Variants in NEK11 observed in about 807,000 individuals in gnomAD.
NEK11 encodes NIMA related kinase 11.
Under a neutral mutation model 80.7 loss-of-function variants are expected in NEK11, and 72 were observed. That is an observed-to-expected ratio of 0.89 (90% CI 0.74 to 1.08). The LOEUF is 1.08. Ranked by LOEUF, NEK11 falls within the 50% of genes least tolerant of loss-of-function variation. The pLI, the probability that NEK11 is intolerant of heterozygous loss-of-function variation, is 0.00. For synonymous variants in NEK11, 251 were observed against 260.7 expected (o/e 0.96, Z 0.36); for missense variants, 764 against 763.6 (o/e 1.00, Z -0.01).
chr3:131,151,541 T>A (rs1012343224), intron 7 of NEK11, among the ~76,000 whole-genome samples: 1 of 152,054 alleles, frequency 6.6e-6, no homozygotes, highest in Non-Finnish European at 1.5e-5. Context: ...TTACACAAGG[T>A]CAATCACAAG....
At chr3:131,155,848 C>A (rs1309907370) in intron 10 of NEK11, among the ~76,000 whole-genome samples, 3 of 152,172 alleles carry the variant, frequency 2.0e-5, no homozygotes, top group African/African-American at 7.2e-5. Context: ...CTCAACGCTA[C>A]CATGTTTGCT....
intron 17 of NEK11, among the ~76,000 whole-genome samples, 196 bp from the exon 18 acceptor site, chr3:131,349,361 G>A (rs895594637): frequency 1.3e-5 from 2 of 152,088 alleles, no homozygotes; most frequent in Non-Finnish European, 1.5e-5. Context: ...AGGGTACCTG[G>A]CACATAATAG....
chr3:131,224,862 AAAG>A (rs1173350707), intron 14 of NEK11, among the ~76,000 whole-genome samples: 3 of 152,370 alleles, frequency 2.0e-5, no homozygotes, highest in African/African-American at 4.8e-5. Context: ...GATATGAAAA[AAAG>A]AAAATATTTT....
At chr3:131,145,820 A>G (rs887281992) in intron 7 of NEK11, among the ~76,000 whole-genome samples, 1 of 152,140 alleles carries the variant, frequency 6.6e-6, no homozygotes, top group Non-Finnish European at 1.5e-5. Context: ...CTCATCTGAA[A>G]AATGGGAATA....
chr3:131,293,034 G>A (rs538478627), intron 17 of NEK11, among the ~76,000 whole-genome samples: 20 of 152,026 alleles, frequency 1.3e-4, no homozygotes, highest in Non-Finnish European at 2.6e-4. Flanking sequence ...TGTCATCACT[G>A]AAGGAGAACA....
chr3:131,334,456 A>G (rs1189175177), intron 17 of NEK11, among the ~76,000 whole-genome samples: 2 of 150,576 alleles, frequency 1.3e-5, no homozygotes, highest in African/African-American at 2.4e-5. Context: ...TCTCTGGGAC[A>G]CATTCAAAGC....
chr3:131,316,833 G>T (rs1263291860), intron 17 of NEK11, among the ~76,000 whole-genome samples: 1 of 152,024 alleles, frequency 6.6e-6, no homozygotes, highest in Non-Finnish European at 1.5e-5. Flanking sequence ...TCCTTGATTT[G>T]CAAAAACTGA....
chr3:131,244,066 A>C (rs1292158626), intron 16 of NEK11, among the ~76,000 whole-genome samples: 8 of 152,056 alleles, frequency 5.3e-5, no homozygotes, highest in Admixed American at 5.2e-4. Context: ...ACAGTGACAC[A>C]GAGTATTCTT....
chr3:131,307,572 A>G (rs1351897902), intron 17 of NEK11, among the ~76,000 whole-genome samples: 1 of 152,158 alleles, frequency 6.6e-6, no homozygotes, highest in Non-Finnish European at 1.5e-5. Flanking sequence ...ATAGAAAGTG[A>G]AGATCAAAGG....
At chr3:131,193,317 CA>C (rs1484328283) in intron 14 of NEK11, among the ~76,000 whole-genome samples, 1 of 151,934 alleles carries the variant, frequency 6.6e-6, no homozygotes, top group East Asian at 1.9e-4. Context: ...AATGATAGGA[CA>C]AGAGTGAAAA....
intron 14 of NEK11, among the ~76,000 whole-genome samples, chr3:131,201,073 T>C (rs1357257827): frequency 1.3e-5 from 2 of 152,044 alleles, no homozygotes; most frequent in Admixed American, 6.6e-5. Context: ...TAGATAAATC[T>C]TGTAGACATG....
At chr3:131,031,328 T>G (rs929583022) in intron 3 of NEK11, among the ~76,000 whole-genome samples, 3 of 152,240 alleles carry the variant, frequency 2.0e-5, no homozygotes, top group Non-Finnish European at 4.4e-5. Context: ...TTTTTCTCTT[T>G]AATCCTAGAG....
At position 131,342,254 on chromosome 3, in the gene NEK11, T is replaced by A. The variant is rs183187889; in HGVS notation, c.1719-7303T>A. On this transcript the variant is annotated intron_variant, in intron 17 of 17. Transcript: ENST00000383366. Reference sequence around the variant, plus strand: ...CATTTGAAACACTACACATGGAGAATTTTAAACCTCTTTCTGTAAAATGTA... The same window carrying A: ...CATTTGAAACACTACACATGGAGAAATTTAAACCTCTTTCTGTAAAATGTA... Among the ~76,000 whole-genome samples, 18 of 152,348 alleles carry A rather than the reference T, an allele frequency of 1.2e-4. No individual in the cohort carries two copies. The East Asian group carries it at 2.7e-3, about 23-fold the overall frequency.
intron 7 of NEK11, among the ~76,000 whole-genome samples, chr3:131,147,225 CTG>C (rs2088554106): frequency 6.6e-6 from 1 of 151,950 alleles, no homozygotes; most frequent in African/African-American, 2.4e-5. Context: ...TATAATTGAT[CTG>C]TGTGTGTATG....
At chr3:131,201,987 A>G (rs567326671) in intron 14 of NEK11, among the ~76,000 whole-genome samples, 49 of 152,156 alleles carry the variant, frequency 3.2e-4, no homozygotes, top group African/African-American at 1.2e-3. Flanking sequence ...GGTGTGCACA[A>G]CCACACCTGG....
chr3:131,093,151 T>C (rs2076963407), intron 4 of NEK11, among the ~76,000 whole-genome samples: 1 of 152,104 alleles, frequency 6.6e-6, no homozygotes, highest in African/African-American at 2.4e-5. Flanking sequence ...GTGTGATACT[T>C]TGTGTGTTAG....
intron 15 of NEK11, among the ~76,000 whole-genome samples, chr3:131,242,888 C>A (rs1363243075): frequency 1.3e-5 from 2 of 152,012 alleles, no homozygotes; most frequent in Non-Finnish European, 2.9e-5. Flanking sequence ...ATTTCCCCAA[C>A]CGTTATGGGG....
chr3:131,195,284 A>T (rs1233269375), intron 14 of NEK11, among the ~76,000 whole-genome samples: 1 of 149,340 alleles, frequency 6.7e-6, no homozygotes, highest in Admixed American at 6.7e-5. Flanking sequence ...ATGCTACTAC[A>T]CTCCATCTCA....
intron 17 of NEK11, among the ~76,000 whole-genome samples, chr3:131,275,680 C>T (rs546376353): frequency 6.6e-5 from 10 of 152,182 alleles, no homozygotes; most frequent in Non-Finnish European, 1.3e-4. Context: ...ATCTGCATGT[C>T]TTTTGAGCAT....
Sources: allele counts gnomAD v4.1 joint callset (sites outside exome capture counted in the v4.1 genomes callset), GRCh38; gene constraint gnomAD v4.1.1; transcripts MANE v1.5; gene names NCBI Gene and HGNC (gene_info 2026-07-23, HGNC 2026-07-21).